DCLK1: variants seen among roughly 807,000 people sequenced by gnomAD.
DCLK1 encodes serine/threonine-protein kinase DCLK1.
Under a neutral mutation model 86.2 loss-of-function variants are expected in DCLK1, and 16 were observed. That is an observed-to-expected ratio of 0.19 (90% CI 0.13 to 0.28). DCLK1 has a LOEUF of 0.28. DCLK1 is among the 10% of genes least tolerant of loss of function. The pLI is 1.00. For synonymous variants in DCLK1, 369 were observed against 370.5 expected (o/e 1.00, Z 0.05); for missense variants, 590 against 940.2 (o/e 0.63, Z 4.87).
chr13:36,024,736 G>T (rs766001375), intron 3 of DCLK1, among the ~76,000 whole-genome samples: 1 of 151,624 alleles, frequency 6.6e-6, no homozygotes, highest in Non-Finnish European at 1.5e-5. Context: ...ATTACAAACT[G>T]ATCTAAAATT....
chr13:35,911,291 CA>C (rs11295431), intron 4 of DCLK1, among the ~76,000 whole-genome samples: 20,709 of 119,626 alleles, frequency 0.17, 2,451 homozygotes, highest in African/African-American at 0.38. Context: ...GAGATTCCGT[CA>C]AAAAAAAAAA....
chr13:35,809,355 T>C (rs952165735), intron 12 of DCLK1, among the ~76,000 whole-genome samples: 9 of 152,188 alleles, frequency 5.9e-5, no homozygotes, highest in Non-Finnish European at 1.0e-4. Context: ...TAAATATCAG[T>C]AAATGAAGGT....
intron 3 of DCLK1, among the ~76,000 whole-genome samples, chr13:36,010,021 CTGTT>C (rs1209901333): frequency 1.8e-4 from 6 of 32,482 alleles, no homozygotes; most frequent in Non-Finnish European, 1.8e-4. Context: ...ATTTGGCTCT[CTGTT>C]TGTCTGTTGT....
At chr13:35,789,814 A>T (rs2086681391) in intron 16 of DCLK1, among the ~76,000 whole-genome samples, 1 of 152,198 alleles carries the variant, frequency 6.6e-6, no homozygotes, top group Non-Finnish European at 1.5e-5. Flanking sequence ...TTCACCGTTA[A>T]AATGTCATCT....
At chr13:35,820,494 T>A (rs765967974) in intron 11 of DCLK1, among the ~76,000 whole-genome samples, 1 of 152,174 alleles carries the variant, frequency 6.6e-6, no homozygotes, top group Non-Finnish European at 1.5e-5. Flanking sequence ...TTAGTAAAAG[T>A]GCACTCCAAT....
At chr13:35,922,094 C>A (rs746286116) in intron 4 of DCLK1, among the ~76,000 whole-genome samples, 1 of 152,110 alleles carries the variant, frequency 6.6e-6, no homozygotes, top group African/African-American at 2.4e-5. Context: ...ATAGGTAGGG[C>A]GGTTTTTGTT....
chr13:35,783,715 G>A (rs1283732730), intron 16 of DCLK1, among the ~76,000 whole-genome samples: 1 of 151,980 alleles, frequency 6.6e-6, no homozygotes, highest in East Asian at 1.9e-4. Context: ...CTCCTGAGTT[G>A]CTGGGATTAC....
chr13:35,867,966 A>AAAGG lies in DCLK1; in HGVS notation c.940+3257_940+3258insCCTT, dbSNP rs1483381630. Among the ~76,000 whole-genome samples, 38 of 146,608 alleles carry AAAGG rather than the reference A, an allele frequency of 2.6e-4. 1 individual carries two copies. Among genetic ancestry groups the AAAGG allele is most frequent in the African/African-American group, 7.5e-4 (29 of 38,676 alleles). ...GAAAGAAAGAAAGAAAGAAAGAAAG[A>AAAGG]GAAAAAGAAAGACCCTAAACCCTGG... On this transcript the variant is annotated intron_variant, in intron 5 of 16. Transcript: ENST00000360631.
At chr13:35,781,722 G>A (rs2086528996) in intron 16 of DCLK1, among the ~76,000 whole-genome samples, 1 of 151,908 alleles carries the variant, frequency 6.6e-6, no homozygotes, top group Non-Finnish European at 1.5e-5. Flanking sequence ...TTGCCTTTTA[G>A]CCCATCCATT....
Position 35,879,515 on chromosome 13 carries a change from A to G in DCLK1, c.824-8175T>C, listed in dbSNP as rs1437409959. Among the ~76,000 whole-genome samples, 3 of 152,176 alleles carry G rather than the reference A, an allele frequency of 2.0e-5. No homozygotes were observed. The East Asian group carries it at 5.8e-4, about 29-fold the overall frequency. ...TAACAGTCACATAAGAGAAAAGTTCATCTTTTCCTACATAACAGTGCAGAG... is the reference window on the plus strand; with the variant it reads ...TAACAGTCACATAAGAGAAAAGTTCGTCTTTTCCTACATAACAGTGCAGAG... On this transcript the variant is annotated intron_variant, in intron 4 of 16. Coordinates refer to ENST00000360631, the MANE Select transcript of DCLK1 (RefSeq NM_001330071.2).
intron 3 of DCLK1, among the ~76,000 whole-genome samples, chr13:36,049,584 A>G (rs955669066): frequency 9.9e-5 from 15 of 152,168 alleles, no homozygotes; most frequent in African/African-American, 3.4e-4. Context: ...ATAAAAATTC[A>G]TGTTTTCTAT....
At chr13:36,100,999 G>C (rs917957926) in intron 3 of DCLK1, among the ~76,000 whole-genome samples, 11 of 152,170 alleles carry the variant, frequency 7.2e-5, no homozygotes, top group African/African-American at 2.7e-4. Flanking sequence ...CATCTTTCCG[G>C]GCATCGTCCA....
intron 4 of DCLK1, among the ~76,000 whole-genome samples, chr13:35,880,261 T>C (rs1872808572): frequency 6.6e-6 from 1 of 152,206 alleles, no homozygotes; most frequent in Non-Finnish European, 1.5e-5. Context: ...GGGTCTTGGT[T>C]TCTTAGCTGA....
chr13:35,935,319 T>A (rs1171093), intron 4 of DCLK1, among the ~76,000 whole-genome samples: 4 of 151,898 alleles, frequency 2.6e-5, no homozygotes, highest in African/African-American at 4.8e-5. Flanking sequence ...TCAGGAGGAT[T>A]AATCGGGTTC....
chr13:35,916,322 C>T (rs915401760), intron 4 of DCLK1, among the ~76,000 whole-genome samples: 1 of 152,184 alleles, frequency 6.6e-6, no homozygotes, highest in Non-Finnish European at 1.5e-5. Context: ...ACCCAGAGCC[C>T]TGTACATTAT....
chr13:35,850,706 C>T (rs1490645114), intron 6 of DCLK1: 1 of 1,596,152 alleles, frequency 6.3e-7, no homozygotes, highest in Admixed American at 1.7e-5. Flanking sequence ...ATATACATTG[C>T]TCCATTGTTT....
In DCLK1 at chr13:35,852,825, C is replaced by T. The variant is rs553699521; in HGVS notation, c.1035+1674G>A. ...CAATAAATAAGCAAGGAGAGGAGCTCCCATTTGCAGCGGGAATTCCCAATC... is the reference window on the plus strand; with the variant it reads ...CAATAAATAAGCAAGGAGAGGAGCTTCCATTTGCAGCGGGAATTCCCAATC... On this transcript the variant is annotated intron_variant, in intron 6 of 16. Coordinates refer to ENST00000360631, the MANE Select transcript of DCLK1 (RefSeq NM_001330071.2). Among the ~76,000 whole-genome samples the T allele has an allele frequency of 7.7e-4, 117 of 152,274 alleles. 1 individual carries two copies. The South Asian group carries it at 0.023, about 30-fold the overall frequency.
intron 3 of DCLK1, among the ~76,000 whole-genome samples, chr13:35,956,433 T>C (rs1166503247): frequency 2.6e-5 from 4 of 152,174 alleles, no homozygotes; most frequent in African/African-American, 9.6e-5. Flanking sequence ...CTTACTGTGA[T>C]AATTGGAAAA....
intron 11 of DCLK1, among the ~76,000 whole-genome samples, chr13:35,819,575 A>G (rs1425885094): frequency 6.6e-6 from 1 of 152,206 alleles, no homozygotes; most frequent in East Asian, 1.9e-4. Flanking sequence ...GAAGGGTTTT[A>G]TAAGCCTTTT....
Sources: allele counts gnomAD v4.1 joint callset (sites outside exome capture counted in the v4.1 genomes callset), GRCh38; gene constraint gnomAD v4.1.1; transcripts MANE v1.5; gene names NCBI Gene and HGNC (gene_info 2026-07-23, HGNC 2026-07-21).